Variants in CSMD1 observed in about 807,000 individuals in gnomAD.
CSMD1 encodes CUB and Sushi multiple domains 1.
Under a neutral mutation model 417.5 loss-of-function variants are expected in CSMD1, and 213 were observed. The observed-to-expected ratio is 0.51, with a 90% CI of 0.46 to 0.57. CSMD1 has a LOEUF of 0.57. Ranked by LOEUF, CSMD1 falls within the 20% of genes least tolerant of loss-of-function variation. The probability of loss-of-function intolerance (pLI) is 0.00; values close to 1 mark genes in which losing one functional copy is unlikely to be tolerated. For missense variants in CSMD1, 6,923 were observed against 4,529.7 expected (o/e 1.53, Z -15.17); for synonymous variants, 2,862 against 1,736.8 (o/e 1.65, Z -16.11).
At chr8:3,906,369 T>A (rs139695129) in intron 5 of CSMD1, among the ~76,000 whole-genome samples, 2 of 152,186 alleles carry the variant, frequency 1.3e-5, no homozygotes, top group African/African-American at 2.4e-5. Context: ...ACCTATAGTA[T>A]GGTCTAGAAA....
intron 3 of CSMD1, among the ~76,000 whole-genome samples, chr8:4,214,028 T>C (rs1215942439): frequency 6.6e-6 from 1 of 152,172 alleles, no homozygotes. Flanking sequence ...TAAGTAACAA[T>C]GGACAAAAAG....
At chr8:4,050,402 A>T (rs541470553) in intron 3 of CSMD1, among the ~76,000 whole-genome samples, 3 of 152,096 alleles carry the variant, frequency 2.0e-5, no homozygotes, top group Non-Finnish European at 1.5e-5. Flanking sequence ...TTTAATTTTT[A>T]AAATTTTATT....
At chr8:3,312,589 G>A (rs1584980506) in intron 23 of CSMD1, among the ~76,000 whole-genome samples, 2 of 152,290 alleles carry the variant, frequency 1.3e-5, no homozygotes, top group African/African-American at 4.8e-5. Flanking sequence ...GTTGCTGGGA[G>A]AATCATAGGC....
At chr8:4,665,260 A>G (rs1328828368) in intron 1 of CSMD1, among the ~76,000 whole-genome samples, 1 of 152,118 alleles carries the variant, frequency 6.6e-6, no homozygotes. Context: ...TGAAACTTCA[A>G]AGTTTGGCTG....
intron 12 of CSMD1, among the ~76,000 whole-genome samples, chr8:3,412,797 G>T (rs1214511338): frequency 6.6e-6 from 1 of 152,208 alleles, no homozygotes; most frequent in Non-Finnish European, 1.5e-5. Context: ...AGATGGGAAT[G>T]GATTTACTTA....
intron 66 of CSMD1, 90 bp from the exon 67 acceptor site, chr8:2,950,433 T>C (rs889671330): frequency 7.9e-6 from 6 of 757,874 alleles, no homozygotes; most frequent in Non-Finnish European, 1.4e-5. Flanking sequence ...GGTACGGAGA[T>C]GATAATATCA....
At chr8:3,944,534 C>T (rs918401890) in intron 5 of CSMD1, among the ~76,000 whole-genome samples, 1 of 151,904 alleles carries the variant, frequency 6.6e-6, no homozygotes, top group Non-Finnish European at 1.5e-5. Context: ...TTTTAATTAC[C>T]ACACATATAT....
chr8:4,143,356 A>T lies in CSMD1; in HGVS notation c.416-111257T>A, dbSNP rs1803909038. On this transcript the variant is annotated intron_variant, in intron 3 of 69. Transcript: ENST00000635120. ...TCTGATTCATGGGCTGCTGAAATAT[A>T]ATGACGTCTTATCCCTTTTTTTTTT... 3.9e-5 allele frequency among the ~76,000 whole-genome samples: 5 copies of T among 128,896 alleles called. No homozygotes were observed. In the South Asian group the frequency reaches 1.3e-3, roughly 34 times the overall value. The allele number at this position is 128,896 out of a possible 152,430, so 84.6% of individuals were successfully genotyped here. A position where few individuals can be genotyped will look rare whatever the true frequency, so the allele number is the denominator to read the frequency against.
intron 5 of CSMD1, among the ~76,000 whole-genome samples, chr8:3,757,757 G>A (rs1378634128): frequency 6.6e-6 from 1 of 151,964 alleles, no homozygotes; most frequent in Non-Finnish European, 1.5e-5. Context: ...GCTGAGGCAA[G>A]AGAATTGCTT....
At chr8:4,278,122 G>T (rs538618740) in intron 3 of CSMD1, among the ~76,000 whole-genome samples, 1 of 152,046 alleles carries the variant, frequency 6.6e-6, no homozygotes, top group South Asian at 2.1e-4. Flanking sequence ...TTCTCCTTAT[G>T]CTCATATAAC....
chr8:4,172,608 A>G (rs1255890297), intron 3 of CSMD1, among the ~76,000 whole-genome samples: 1 of 152,182 alleles, frequency 6.6e-6, no homozygotes, highest in Non-Finnish European at 1.5e-5. Flanking sequence ...AACTAAGCTC[A>G]TGGAACCCAC....
chr8:4,441,019 TAATGA>T (rs1310823753), intron 2 of CSMD1, among the ~76,000 whole-genome samples: 1 of 148,952 alleles, frequency 6.7e-6, no homozygotes, highest in Non-Finnish European at 1.5e-5. Context: ...TTAAAAATAT[TAATGA>T]AAATATATAC....
At chr8:4,654,552 G>C (rs1804109716) in intron 1 of CSMD1, among the ~76,000 whole-genome samples, 1 of 152,078 alleles carries the variant, frequency 6.6e-6, no homozygotes, top group Non-Finnish European at 1.5e-5. Context: ...GAGTTTAGAG[G>C]GGGAGGAATG....
intron 23 of CSMD1, among the ~76,000 whole-genome samples, chr8:3,335,952 T>C (rs982831025): frequency 3.3e-5 from 5 of 152,168 alleles, no homozygotes; most frequent in Non-Finnish European, 4.4e-5. Context: ...TACCCAGCGC[T>C]TGTAGATTTT....
chr8:4,482,511 T>C (rs1801154353), intron 2 of CSMD1, among the ~76,000 whole-genome samples: 1 of 152,232 alleles, frequency 6.6e-6, no homozygotes. Context: ...GGCATTTAGG[T>C]TGACTCCATG....
chr8:3,202,017 T>C (rs1797017512), intron 31 of CSMD1, among the ~76,000 whole-genome samples: 1 of 152,076 alleles, frequency 6.6e-6, no homozygotes, highest in African/African-American at 2.4e-5. Context: ...ATTAAGAATA[T>C]ATGGGCTGGA....
At chr8:4,915,127 C>T (rs1405585083) in intron 1 of CSMD1, among the ~76,000 whole-genome samples, 2 of 151,934 alleles carry the variant, frequency 1.3e-5, no homozygotes, top group South Asian at 4.2e-4. Context: ...ACTGTGGTTG[C>T]CGAACGAAGA....
In CSMD1 at chr8:3,150,577, T is replaced by TATTC. The variant is rs111736662; in HGVS notation, c.6031+816_6031+819dup. On this transcript the variant is annotated intron_variant, in intron 40 of 69. Transcript: ENST00000635120. ...GGGCAGTTATTTCTATTTATGGTTG[T>TATTC]ATTCATTCATTCATTCATTCATTCA... Among the ~76,000 whole-genome samples, 473 of 152,230 alleles carry TATTC rather than the reference T, an allele frequency of 3.1e-3. 7 individuals carry two copies. The highest frequency in any genetic ancestry group is 8.4e-3 in the African/African-American group (347 of 41,554).
chr8:4,174,355 C>G (rs746327347), intron 3 of CSMD1, among the ~76,000 whole-genome samples: 13 of 152,070 alleles, frequency 8.5e-5, no homozygotes, highest in Non-Finnish European at 1.5e-4. Flanking sequence ...AAAGTGCAGT[C>G]TCTGAGAGAG....
Sources: gnomAD v4.1 joint callset for allele counts (sites outside exome capture counted in the v4.1 genomes callset) on GRCh38, gnomAD v4.1.1 for gene constraint, MANE v1.5 for transcripts, NCBI Gene and HGNC (gene_info 2026-07-23, HGNC 2026-07-21) for gene names.